Variants in NEBL observed in about 807,000 individuals in gnomAD.
NEBL encodes the protein LIM and SH3 protein 2.
In NEBL, 122 loss-of-function variants were observed where a neutral mutation model predicts 140.2. The observed-to-expected ratio is 0.87, with a 90% CI of 0.75 to 1.01. NEBL has a LOEUF of 1.01. Among genes scored for constraint, NEBL ranks in the 50% least tolerant of loss-of-function variants. The probability of loss-of-function intolerance (pLI) is 0.00; values close to 1 mark genes in which losing one functional copy is unlikely to be tolerated. For synonymous variants in NEBL, 436 were observed against 398.9 expected, an observed-to-expected ratio of 1.09 and a Z score of -1.11; for missense variants, 1,365 against 1,231.3, an observed-to-expected ratio of 1.11 and a Z score of -1.62.
At chr10:20,994,350 G>C (rs1325485860) in intron 3 of NEBL, among the ~76,000 whole-genome samples, 2 of 152,166 alleles carry the variant, frequency 1.3e-5, no homozygotes, top group African/African-American at 4.8e-5. Flanking sequence ...GCCAACTCCA[G>C]GGGGATCTTT....
chr10:21,030,573 A>C (rs1180022173), intron 2 of NEBL: 10 of 685,236 alleles, frequency 1.5e-5, no homozygotes, highest in Admixed American at 1.9e-5. Flanking sequence ...CACAGCACGA[A>C]TACCCTACAA....
chr10:20,864,628 T>C (rs1412860769), intron 7 of NEBL, among the ~76,000 whole-genome samples: 1 of 152,180 alleles, frequency 6.6e-6, no homozygotes, highest in Admixed American at 6.5e-5. Context: ...GTGGTGCTCT[T>C]TTTCTCCCTG....
At chr10:20,966,641 G>A (rs540996620) in intron 3 of NEBL, among the ~76,000 whole-genome samples, 8 of 152,172 alleles carry the variant, frequency 5.3e-5, no homozygotes, top group Non-Finnish European at 7.3e-5. Flanking sequence ...CTGGACACCG[G>A]AGCAGTTCTG....
intron 3 of NEBL, among the ~76,000 whole-genome samples, chr10:20,989,733 G>A (rs144024787): frequency 1.3e-5 from 2 of 152,152 alleles, no homozygotes; most frequent in Non-Finnish European, 2.9e-5. Flanking sequence ...CATTATATCT[G>A]AGGGATTCTT....
intron 3 of NEBL, among the ~76,000 whole-genome samples, chr10:21,228,517 C>T (rs1447852839): frequency 6.6e-6 from 1 of 151,988 alleles, no homozygotes; most frequent in African/African-American, 2.4e-5. Flanking sequence ...CATCTTGCTC[C>T]CTGGCAGATC....
intron 3 of NEBL, among the ~76,000 whole-genome samples, chr10:21,013,532 C>T (rs906751966): frequency 4.6e-5 from 7 of 152,092 alleles, no homozygotes; most frequent in Non-Finnish European, 1.0e-4. Context: ...CAAAAACTGT[C>T]GGGAGAAGCA....
chr10:21,138,138 T>C (rs1218008466), intron 2 of NEBL, among the ~76,000 whole-genome samples: 1 of 152,112 alleles, frequency 6.6e-6, no homozygotes, highest in Admixed American at 6.5e-5. Flanking sequence ...GGAGCATGAA[T>C]CTGGCTTCCG....
chr10:20,925,356 T>C (rs555731538), intron 4 of NEBL, among the ~76,000 whole-genome samples: 1 of 152,224 alleles, frequency 6.6e-6, no homozygotes, highest in South Asian at 2.1e-4. Flanking sequence ...TTAGGATGGC[T>C]CCTAGGAATA....
chr10:21,028,748 G>A (rs1833646938), intron 2 of NEBL, among the ~76,000 whole-genome samples: 1 of 149,516 alleles, frequency 6.7e-6, no homozygotes, highest in Non-Finnish European at 1.5e-5. Context: ...TTTTTTAGAA[G>A]AACCAAAAAT....
chr10:20,995,086 C>A (rs1251107399), intron 3 of NEBL, among the ~76,000 whole-genome samples: 3 of 152,190 alleles, frequency 2.0e-5, no homozygotes. Flanking sequence ...GGAGAAAACA[C>A]GGAGGGCATG....
intron 3 of NEBL, among the ~76,000 whole-genome samples, chr10:21,185,776 G>T (rs988710387): frequency 6.6e-6 from 1 of 152,114 alleles, no homozygotes; most frequent in African/African-American, 2.4e-5. Context: ...GGGATTACAG[G>T]CGTGACCCAC....
chr10:21,291,705 G>A lies in NEBL; in HGVS notation n.182+1125C>T, dbSNP rs1317198262. 1.5e-4 allele frequency among the ~76,000 whole-genome samples: 23 copies of A among 151,594 alleles called. 2 individuals carry two copies. Among genetic ancestry groups the A allele is most frequent in the Admixed American group, 1.5e-3 (23 of 15,194 alleles). Reference sequence around the variant, plus strand: ...CAAGGAGGGTGGATCAAGAGGTCAGGAGTTCAAGACCAACCTGGCCAACAT... The same window carrying A: ...CAAGGAGGGTGGATCAAGAGGTCAGAAGTTCAAGACCAACCTGGCCAACAT... On this transcript the variant is annotated intron_variant and non_coding_transcript_variant, in intron 1 of 8. Coordinates refer to the NEBL transcript ENST00000675702.
chr10:20,921,717 T>G (rs1000062584), intron 4 of NEBL, among the ~76,000 whole-genome samples: 2 of 152,054 alleles, frequency 1.3e-5, no homozygotes, highest in African/African-American at 4.8e-5. Flanking sequence ...CACCTTAATA[T>G]GTGACAACAC....
At chr10:20,954,890 G>A (rs554020184) in intron 4 of NEBL, among the ~76,000 whole-genome samples, 1 of 152,198 alleles carries the variant, frequency 6.6e-6, no homozygotes, top group Non-Finnish European at 1.5e-5. Flanking sequence ...GTGTGAAATG[G>A]ATGGGTTCAG....
chr10:20,920,022 A>C (rs1833505662), intron 4 of NEBL, among the ~76,000 whole-genome samples: 1 of 152,240 alleles, frequency 6.6e-6, no homozygotes, highest in Non-Finnish European at 1.5e-5. Flanking sequence ...CACAGAAAAC[A>C]GATACAAATG....
intron 1 of NEBL, among the ~76,000 whole-genome samples, chr10:21,282,969 AC>A (rs1843010798): frequency 1.3e-5 from 2 of 152,188 alleles, no homozygotes; most frequent in South Asian, 2.1e-4. Context: ...TACTGAAAAT[AC>A]AAAAAATTTT....
intron 3 of NEBL, among the ~76,000 whole-genome samples, chr10:21,008,104 T>A (rs944540527): frequency 6.6e-6 from 1 of 152,218 alleles, no homozygotes; most frequent in Non-Finnish European, 1.5e-5. Flanking sequence ...TCCTTCCAAG[T>A]TAACTTTGTT....
intron 2 of NEBL, among the ~76,000 whole-genome samples, chr10:21,050,408 A>G (rs934558251): frequency 2.0e-5 from 3 of 152,156 alleles, no homozygotes; most frequent in Admixed American, 6.5e-5. Flanking sequence ...CTCTTTTTAC[A>G]GGTGAGAAAA....
intron 1 of NEBL, among the ~76,000 whole-genome samples, chr10:21,285,422 C>T (rs1036734933): frequency 1.3e-5 from 2 of 152,210 alleles, no homozygotes; most frequent in Admixed American, 6.5e-5. Flanking sequence ...ATTCCTTTCT[C>T]GCCTACCTGG....
Sources: gnomAD v4.1 joint callset for allele counts (sites outside exome capture counted in the v4.1 genomes callset) on GRCh38, gnomAD v4.1.1 for gene constraint, MANE v1.5 for transcripts, NCBI Gene and HGNC (gene_info 2026-07-23, HGNC 2026-07-21) for gene names.